Variants in PLA2G1B observed in about 807,000 individuals in gnomAD.
The protein encoded by PLA2G1B is phospholipase A2 group IB, also known as phospholipase A2.
In PLA2G1B, 12 loss-of-function variants were observed where a neutral mutation model predicts 12.5. The observed-to-expected ratio is 0.96, with a 90% CI of 0.62 to 1.56. The LOEUF is 1.56. Ranked by LOEUF, PLA2G1B falls within the 40% of genes most tolerant of loss-of-function variation. The pLI is 0.00. For synonymous variants in PLA2G1B, 81 were observed against 73.4 expected (o/e 1.10, Z -0.53); for missense variants, 189 against 186.7 (o/e 1.01, Z -0.07).
intron 1 of PLA2G1B, 71 bp downstream of exon 1, chr12:120,327,649 C>A: frequency 6.9e-7 from 1 of 1,445,300 alleles, no homozygotes. Flanking sequence ...CCTGTGGCCC[C>A]CATTCCAGAG....
chr12:120,322,355 G>A, intron 3 of PLA2G1B, 38 bp from the exon 4 acceptor site: 2 of 1,599,684 alleles, frequency 1.3e-6, no homozygotes, highest in Non-Finnish European at 1.7e-6. Flanking sequence ...AGCCAAGGTG[G>A]ACCCTGTTTT....
intron 3 of PLA2G1B, 27 bp from the exon 4 acceptor site, chr12:120,322,344 G>T (rs763343181): frequency 6.2e-7 from 1 of 1,608,258 alleles, no homozygotes. Context: ...GGAGAGGACT[G>T]AGCCAAGGTG....
chr12:120,327,220 A>G (rs991090828), intron 1 of PLA2G1B, among the ~76,000 whole-genome samples: 8 of 152,242 alleles, frequency 5.3e-5, no homozygotes, highest in Admixed American at 2.6e-4. Flanking sequence ...ATTTGAACCC[A>G]GGAGATGGAG....
At chr12:120,327,357 C>G (rs922005488) in intron 1 of PLA2G1B, among the ~76,000 whole-genome samples, 5 of 151,932 alleles carry the variant, frequency 3.3e-5, no homozygotes, top group African/African-American at 1.2e-4. Flanking sequence ...GGGAGATTGG[C>G]CTAACTACTT....
intron 1 of PLA2G1B, among the ~76,000 whole-genome samples, chr12:120,327,289 G>A (rs1565876598): frequency 6.6e-6 from 1 of 151,524 alleles, no homozygotes; most frequent in African/African-American, 2.4e-5. Flanking sequence ...AGTGAGCCCC[G>A]TCTCAAAAAT....
chr12:120,325,917 GT>G lies in PLA2G1B; in HGVS notation c.137del (p.Asn46ThrfsTer128). 1 of 1,614,160 alleles carries G rather than the reference GT, an allele frequency of 6.2e-7. No homozygotes were observed. The highest frequency in any genetic ancestry group is 8.5e-7 in the Non-Finnish European group (1 of 1,179,998). On this transcript the variant is annotated frameshift_variant, in exon 2 of 4. Coordinates refer to ENST00000308366, the MANE Select transcript of PLA2G1B (RefSeq NM_000928.3). LOFTEE classifies it high-confidence loss of function. ...PGSDPFLEYN[N>X]YGCYCGLGGS... Reference sequence around the variant, plus strand: ...CCCCCAAGCCACAGTAGCAGCCGTAGTTGTTGTATTCCAAGAAGGGGTCACT... The same window carrying G: ...CCCCCAAGCCACAGTAGCAGCCGTAGTGTTGTATTCCAAGAAGGGGTCACT...
chr12:120,324,942 G>A lies in PLA2G1B; in HGVS notation c.314C>T (p.Thr105Ile), dbSNP rs984400629. 1 of 1,614,116 alleles carries A rather than the reference G, an allele frequency of 6.2e-7. No homozygotes were observed. The highest frequency in any genetic ancestry group is 8.5e-7 in the Non-Finnish European group (1 of 1,179,998). ...YSYSCSGSAITCSSKNKECEA... is the reference protein window; with the variant it reads ...YSYSCSGSAIICSSKNKECEA... The stretch of plus-strand genomic sequence containing the variant: ...GGAAGGGATAAACCTACTGCTACAG[G>A]TGATTGCCGAGCCAGAGCACGAGTA... The change falls in exon 3 of 4, where the codon ACC (threonine) becomes ATC (isoleucine). Residue 105 changes from threonine (T) to isoleucine (I), a missense_variant. Thr to Ile is a moderately conservative substitution (Grantham distance 89). Coordinates refer to ENST00000308366, the MANE Select transcript of PLA2G1B (RefSeq NM_000928.3).
At chr12:120,323,332 C>T (rs1873274270) in intron 3 of PLA2G1B, among the ~76,000 whole-genome samples, 1 of 151,528 alleles carries the variant, frequency 6.6e-6, no homozygotes, top group Non-Finnish European at 1.5e-5. Flanking sequence ...GTGGTGGGAT[C>T]TCGGCTCACT....
intron 1 of PLA2G1B, among the ~76,000 whole-genome samples, chr12:120,326,462 C>T (rs1224904057): frequency 6.7e-6 from 1 of 149,306 alleles, no homozygotes; most frequent in Non-Finnish European, 1.5e-5. Flanking sequence ...CCTGCCTCAG[C>T]CTCCCTAGGT....
At chr12:120,322,648 G>A (rs778708596) in intron 3 of PLA2G1B, among the ~76,000 whole-genome samples, 2 of 152,092 alleles carry the variant, frequency 1.3e-5, no homozygotes, top group Admixed American at 1.3e-4. Flanking sequence ...GTGCAGTGGC[G>A]TGATCTCAGC....
intron 1 of PLA2G1B, among the ~76,000 whole-genome samples, chr12:120,327,290 T>C (rs1281967028): frequency 6.6e-6 from 1 of 151,344 alleles, no homozygotes; most frequent in Admixed American, 6.6e-5. Context: ...GTGAGCCCCG[T>C]CTCAAAAATA....
Position 120,325,955 on chromosome 12 carries a change from C to A in PLA2G1B, c.100G>T (p.Val34Leu), listed in dbSNP as rs771698724. The A allele has an allele frequency of 3.1e-6, 5 of 1,614,150 alleles. No homozygotes were observed. The South Asian group carries it at 5.5e-5, about 18-fold the overall frequency. ...VWQFRKMIKC[V>L]IPGSDPFLEY... Reference sequence around the variant, plus strand: ...AAGAAGGGGTCACTCCCCGGGATCACGCACTTGATCATTTTGCGGAACTGC... The same window carrying A: ...AAGAAGGGGTCACTCCCCGGGATCAAGCACTTGATCATTTTGCGGAACTGC... Residue 34 changes from valine (V) to leucine (L), a missense_variant, in exon 2 of 4, where the codon GTG (valine) becomes TTG (leucine). Coordinates refer to ENST00000308366, the MANE Select transcript of PLA2G1B (RefSeq NM_000928.3).
chr12:120,322,272 T>A lies in PLA2G1B; in HGVS notation c.368A>T (p.Asn123Ile). The A allele has an allele frequency of 6.2e-7, 1 of 1,614,078 alleles. No individual in the cohort carries two copies. Among genetic ancestry groups the A allele is most frequent in the Admixed American group, 1.7e-5 (1 of 59,992 alleles). ...AGCTTTTGAAAAGCAGATGGCAGCG[T>A]TGCGGTCGCAGTTGCAAATGAAGGC... ...CEAFICNCDR[N>I]AAICFSKAPY... The change falls in exon 4 of 4, where the codon AAC becomes ATC. Residue 123 changes from asparagine (N) to isoleucine (I), a missense_variant. By Grantham distance (149) the Asn-to-Ile change is moderately radical (BLOSUM62 -3). Transcript: ENST00000308366.
At position 120,327,240 on chromosome 12, in the gene PLA2G1B, A is replaced by G. The variant is rs375026813; in HGVS notation, c.34+480T>C. 2.6e-5 allele frequency among the ~76,000 whole-genome samples: 4 copies of G among 152,248 alleles called. No homozygotes were observed. The South Asian group carries it at 6.2e-4, about 24-fold the overall frequency. ...AACCCAGGAGATGGAGGTTGTAGTG[A>G]TCTGAGATCACGCCACCGCACTCCA... On this transcript the variant is annotated intron_variant, in intron 1 of 3. Transcript: ENST00000308366.
At position 120,326,177 on chromosome 12, in the gene PLA2G1B, G is replaced by T. The variant is rs1481478194; in HGVS notation, c.35-157C>A. ...CAGGAACCTGGTAAAGTGAAAGTGGGTAGAGGTTTTTTTTTTTTTTTAATG... is the reference window on the plus strand; with the variant it reads ...CAGGAACCTGGTAAAGTGAAAGTGGTTAGAGGTTTTTTTTTTTTTTTAATG... On this transcript the variant is annotated intron_variant, in intron 1 of 3. Coordinates refer to ENST00000308366, the MANE Select transcript of PLA2G1B (RefSeq NM_000928.3). 2.2e-5 allele frequency: 11 copies of T among 499,528 alleles called. No homozygotes were observed. The African/African-American group carries it at 3.4e-4, about 15-fold the overall frequency. 30.9% of individuals were successfully genotyped at this position (499,528 alleles called of 1,614,324 possible). A position where few individuals can be genotyped will look rare whatever the true frequency, so the allele number is the denominator to read the frequency against.
In PLA2G1B at chr12:120,322,273, T is replaced by G. The variant is rs1873250731; in HGVS notation, c.367A>C (p.Asn123His). 1 of 1,613,994 alleles carries G rather than the reference T, an allele frequency of 6.2e-7. No homozygotes were observed. Among genetic ancestry groups the G allele is most frequent in the African/African-American group, 1.3e-5 (1 of 74,916 alleles). The change falls in exon 4 of 4, where the codon AAC (asparagine) becomes CAC (histidine). Residue 123 changes from asparagine to histidine, a missense_variant. Physicochemically the swap from Asn to His is moderately conservative, Grantham distance 68. Transcript: ENST00000308366. ...CEAFICNCDR[N>H]AAICFSKAPY... The stretch of plus-strand genomic sequence containing the variant: ...GCTTTTGAAAAGCAGATGGCAGCGT[T>G]GCGGTCGCAGTTGCAAATGAAGGCC...
At chr12:120,326,618 A>ATAAT (rs1287994573) in intron 1 of PLA2G1B, among the ~76,000 whole-genome samples, 3 of 140,248 alleles carry the variant, frequency 2.1e-5, no homozygotes, top group Non-Finnish European at 4.7e-5. Flanking sequence ...AATAATAATA[A>ATAAT]TAATAATCTC....
At position 120,324,968 on chromosome 12, in the gene PLA2G1B, T is replaced by C; in HGVS notation, c.288A>G (p.Ser96=). The C allele has an allele frequency of 6.2e-7, 1 of 1,614,044 alleles. No individual in the cohort carries two copies. Among genetic ancestry groups the C allele is most frequent in the Non-Finnish European group, 8.5e-7 (1 of 1,179,968 alleles). ...TGATTGCCGAGCCAGAGCACGAGTA[T>C]GAATAGGTGTGGGTGTACGGGTTGT... ...LLDNPYTHTY[S]YSCSGSAITC... Residue 96 remains serine, a synonymous_variant, in exon 3 of 4, where the codon TCA becomes TCG. Coordinates refer to ENST00000308366, the MANE Select transcript of PLA2G1B (RefSeq NM_000928.3).
chr12:120,327,169 CT>C (rs1317599044), intron 1 of PLA2G1B, among the ~76,000 whole-genome samples: 2 of 152,020 alleles, frequency 1.3e-5, no homozygotes, highest in African/African-American at 4.8e-5. Flanking sequence ...TACTTGAGAG[CT>C]ACAAGTCCCA....
Sources: gnomAD v4.1 joint callset for allele counts (sites outside exome capture counted in the v4.1 genomes callset) on GRCh38, gnomAD v4.1.1 for gene constraint, MANE v1.5 for transcripts, NCBI Gene and HGNC (gene_info 2026-07-23, HGNC 2026-07-21) for gene names.